The following BLTP3A variants were observed in gnomAD, a reference collection of about 807,000 sequenced individuals.
BLTP3A encodes bridge-like lipid transfer protein family member 3A.
the BLTP3A span, among the ~76,000 whole-genome samples, chr6:34,827,309 C>CA: frequency 0.15 from 21,839 of 146,248 alleles, 1,908 homozygotes; most frequent in African/African-American, 0.25. Context: ...GACTCTGTTT[C>CA]AAAAAAAAAG....
chr6:34,817,557 A>G, the BLTP3A span, among the ~76,000 whole-genome samples: 1 of 152,202 alleles, frequency 6.6e-6, no homozygotes, highest in Non-Finnish European at 1.5e-5. Context: ...TTCATGGCCC[A>G]GCAAGCAGCA....
chr6:34,872,046 G>A, the BLTP3A span: 4 of 1,023,432 alleles, frequency 3.9e-6, no homozygotes, highest in Non-Finnish European at 5.7e-6. Context: ...GGGTGTTTTG[G>A]GTTCCTGTCA....
At chr6:34,862,554 G>A in the BLTP3A span, among the ~76,000 whole-genome samples, 2 of 152,022 alleles carry the variant, frequency 1.3e-5, no homozygotes, top group Non-Finnish European at 2.9e-5. Flanking sequence ...AAACATAGTG[G>A]CTGGGCGCGG....
At chr6:34,798,171 T>C in the BLTP3A span, among the ~76,000 whole-genome samples, 1 of 152,246 alleles carries the variant, frequency 6.6e-6, no homozygotes, top group Non-Finnish European at 1.5e-5. Flanking sequence ...CATTTATGTC[T>C]GGCTTCTTTA....
chr6:34,818,428 C>A, the BLTP3A span, among the ~76,000 whole-genome samples: 2 of 151,562 alleles, frequency 1.3e-5, no homozygotes, highest in Non-Finnish European at 2.9e-5. Context: ...ATGATGGTAC[C>A]ACTGCACTCC....
chr6:34,823,976 C>T, the BLTP3A span, among the ~76,000 whole-genome samples: 3 of 148,248 alleles, frequency 2.0e-5, no homozygotes, highest in African/African-American at 7.5e-5. Context: ...GGGGTCTCAC[C>T]CTGTCACCCA....
At chr6:34,823,667 C>A in the BLTP3A span, among the ~76,000 whole-genome samples, 1 of 151,234 alleles carries the variant, frequency 6.6e-6, no homozygotes, top group Non-Finnish European at 1.5e-5. Flanking sequence ...CTCAGCCTCC[C>A]AAGTAGCTGG....
the BLTP3A span, among the ~76,000 whole-genome samples, chr6:34,810,946 T>C: frequency 2.0e-5 from 3 of 152,372 alleles, no homozygotes; most frequent in East Asian, 5.8e-4. Flanking sequence ...ATATATTTTA[T>C]GCATTCATGA....
chr6:34,846,077 T>TCACTC, the BLTP3A span, among the ~76,000 whole-genome samples: 1 of 70,586 alleles, frequency 1.4e-5, no homozygotes, highest in African/African-American at 9.0e-5. Flanking sequence ...CCATTTCTTT[T>TCACTC]CCCTCCCCTC....
At chr6:34,814,140 C>G in the BLTP3A span, among the ~76,000 whole-genome samples, 1 of 152,160 alleles carries the variant, frequency 6.6e-6, no homozygotes, top group Non-Finnish European at 1.5e-5. Context: ...CCTCAACTTC[C>G]CAAGTAGCTG....
the BLTP3A span, among the ~76,000 whole-genome samples, chr6:34,807,204 C>T: frequency 6.6e-6 from 1 of 152,102 alleles, no homozygotes; most frequent in African/African-American, 2.4e-5. Context: ...AAGAACTGTT[C>T]CTAACAAAGT....
At chr6:34,828,566 C>G in the BLTP3A span, among the ~76,000 whole-genome samples, 1 of 151,142 alleles carries the variant, frequency 6.6e-6, no homozygotes, top group Non-Finnish European at 1.5e-5. Flanking sequence ...ATATGCTTAT[C>G]TTTTGGAGGC....
chr6:34,823,525 A>C, the BLTP3A span, among the ~76,000 whole-genome samples: 3 of 150,200 alleles, frequency 2.0e-5, no homozygotes, highest in Admixed American at 2.0e-4. Flanking sequence ...ACACTTTGTC[A>C]TTCTTCTTCT....
chr6:34,822,324 C>T, the BLTP3A span, among the ~76,000 whole-genome samples: 3 of 150,358 alleles, frequency 2.0e-5, no homozygotes. Flanking sequence ...CTCACTGCAA[C>T]CTCTGCCTCC....
the BLTP3A span, chr6:34,871,824 G>A: frequency 6.2e-7 from 1 of 1,614,074 alleles, no homozygotes. Flanking sequence ...TCCAGCTGCT[G>A]CTCAGGACAA....
the BLTP3A span, chr6:34,857,410 G>T: frequency 6.2e-7 from 1 of 1,614,122 alleles, no homozygotes; most frequent in Admixed American, 1.7e-5. Context: ...CCCTACCCAG[G>T]TCTCTGCCAT....
At chr6:34,866,920 T>G in the BLTP3A span, among the ~76,000 whole-genome samples, 2 of 152,244 alleles carry the variant, frequency 1.3e-5, no homozygotes, top group African/African-American at 4.8e-5. Flanking sequence ...TTTCCTTCCT[T>G]TTTAAGGCTG....
the BLTP3A span, among the ~76,000 whole-genome samples, chr6:34,813,884 A>G: frequency 6.6e-6 from 1 of 152,170 alleles, no homozygotes; most frequent in East Asian, 1.9e-4. Flanking sequence ...TCTCCAGGTG[A>G]TGAGAGAGCT....
At chr6:34,827,533 CACT>C in the BLTP3A span, among the ~76,000 whole-genome samples, 3 of 152,164 alleles carry the variant, frequency 2.0e-5, no homozygotes, top group Non-Finnish European at 1.5e-5. Flanking sequence ...CTATCAATAA[CACT>C]ACTACTGAAT....
Sources: gnomAD v4.1 joint callset for allele counts (sites outside exome capture counted in the v4.1 genomes callset) on GRCh38, gnomAD v4.1.1 for gene constraint, MANE v1.5 for transcripts, NCBI Gene and HGNC (gene_info 2026-07-23, HGNC 2026-07-21) for gene names.